Variants in ABI3BP observed in about 807,000 individuals in gnomAD.
The protein encoded by ABI3BP is target of Nesh-SH3.
ABI3BP carries 216 observed loss-of-function variants against 268.6 expected under a neutral mutation model. The ratio of observed to expected loss-of-function variants is 0.80; its 90% confidence interval spans 0.72 to 0.90. The LOEUF is 0.90. ABI3BP is among the 40% of genes least tolerant of loss of function. The pLI, the probability that ABI3BP is intolerant of heterozygous loss-of-function variation, is 0.00. For synonymous variants in ABI3BP, 730 were observed against 730.0 expected, an observed-to-expected ratio of 1.00 and a Z score of 0.00; for missense variants, 2,090 against 2,182.4, an observed-to-expected ratio of 0.96 and a Z score of 0.84.
intron 1 of ABI3BP, among the ~76,000 whole-genome samples, chr3:100,983,738 ATATT>A (rs753192090): frequency 2.6e-5 from 4 of 152,190 alleles, no homozygotes; most frequent in Non-Finnish European, 5.9e-5. Context: ...TGATTAAAAA[ATATT>A]AATTAAATGA....
chr3:100,783,191 C>T (rs547907654), intron 57 of ABI3BP, among the ~76,000 whole-genome samples: 15 of 152,270 alleles, frequency 9.9e-5, no homozygotes, highest in African/African-American at 3.4e-4. Context: ...GCACTCTTGT[C>T]CCAAATCTCA....
chr3:100,822,604 G>T lies in ABI3BP; in HGVS notation c.2872C>A (p.Pro958Thr), dbSNP rs1358198449. 3 of 1,536,396 alleles carry T rather than the reference G, an allele frequency of 2.0e-6. No individual in the cohort carries two copies. The highest frequency in any genetic ancestry group is 2.4e-5 in the South Asian group (2 of 84,058). Residue 958 changes from proline (P) to threonine (T), a missense_variant, in exon 38 of 68, where the codon CCT (proline) becomes ACT (threonine). By Grantham distance (38) the Pro-to-Thr change is conservative (BLOSUM62 -1). Transcript: ENST00000471714. Reference sequence around the variant, plus strand: ...CATAGTTTACCTGGTTTGGATTCAGGTGCTTCAGGACGTGGTGTGGTTTTT... The same window carrying T: ...CATAGTTTACCTGGTTTGGATTCAGTTGCTTCAGGACGTGGTGTGGTTTTT... ...RTKTTPRPEAPESKPVPTAEL... is the reference protein window; with the variant it reads ...RTKTTPRPEATESKPVPTAEL...
At chr3:100,778,959 G>A (rs573693844) in intron 58 of ABI3BP, among the ~76,000 whole-genome samples, 2 of 152,100 alleles carry the variant, frequency 1.3e-5, no homozygotes, top group East Asian at 1.9e-4. Flanking sequence ...CTATAAACAC[G>A]CATAGAATTT....
chr3:100,775,275 C>A lies in ABI3BP; in HGVS notation c.4394G>T (p.Gly1465Val). The stretch of plus-strand genomic sequence containing the variant: ...TGTCTCTATTCTCTCCAAGGGAGTT[C>A]CAGTAGGCCTGGGTGTTGACCTCAG... ...PPLRSTPRPT[G>V]TPLERIETDI... The change falls in exon 60 of 68, where the codon GGA becomes GTA. Residue 1465 changes from glycine (G) to valine (V), a missense_variant. Physicochemically the swap from Gly to Val is moderately radical, Grantham distance 109. Transcript: ENST00000471714. 6.2e-7 allele frequency: 1 copy of A among 1,610,240 alleles called. No individual in the cohort carries two copies. The highest frequency in any genetic ancestry group is 8.5e-7 in the Non-Finnish European group (1 of 1,178,166).
At chr3:100,890,981 C>G (rs2044363158) in intron 4 of ABI3BP, among the ~76,000 whole-genome samples, 1 of 116,122 alleles carries the variant, frequency 8.6e-6, no homozygotes, top group South Asian at 3.4e-4. Context: ...TCAAACTGGT[C>G]AACTTTTTTT....
At chr3:100,969,018 A>AGGTTTGAAACAGGT (rs1215458885) in intron 1 of ABI3BP, among the ~76,000 whole-genome samples, 1 of 152,210 alleles carries the variant, frequency 6.6e-6, no homozygotes, top group Non-Finnish European at 1.5e-5. Flanking sequence ...AACCTGTAGA[A>AGGTTTGAAACAGGT]GGAGTAATCT....
chr3:100,887,028 TTTAA>T (rs2042301340), intron 4 of ABI3BP, among the ~76,000 whole-genome samples: 1 of 152,050 alleles, frequency 6.6e-6, no homozygotes. Flanking sequence ...TATTACCTGG[TTTAA>T]TTGTCATGAA....
At chr3:100,840,274 C>G in intron 22 of ABI3BP, 110 bp from the exon 23 acceptor site, 1 of 825,784 alleles carries the variant, frequency 1.2e-6, no homozygotes, top group Non-Finnish European at 1.8e-6. Context: ...TTACTGTGGA[C>G]ATGTTTCCAT....
rs182923879 is a variant in ABI3BP at position 100,921,020 on chromosome 3, A to T, written c.259+5282T>A. Among the ~76,000 whole-genome samples, 459 of 152,288 alleles carry T rather than the reference A, an allele frequency of 3.0e-3. 1 individual carries two copies. Among genetic ancestry groups the T allele is most frequent in the Non-Finnish European group, 5.7e-3 (390 of 68,016 alleles). ...AGCATTTCCAGTGCATTGGCACTGCATCCTTTTCCTCACTAGAGCTGGCAT... is the reference window on the plus strand; with the variant it reads ...AGCATTTCCAGTGCATTGGCACTGCTTCCTTTTCCTCACTAGAGCTGGCAT... On this transcript the variant is annotated intron_variant, in intron 2 of 67. Transcript: ENST00000471714.
chr3:100,975,018 T>C (rs1253965827), intron 1 of ABI3BP, among the ~76,000 whole-genome samples: 1 of 152,136 alleles, frequency 6.6e-6, no homozygotes, highest in Non-Finnish European at 1.5e-5. Context: ...ATAAGAAGCT[T>C]AGTTATTTGA....
intron 17 of ABI3BP, 137 bp from the exon 18 acceptor site, chr3:100,849,012 G>A (rs186972734): frequency 1.3e-5 from 9 of 711,582 alleles, no homozygotes; most frequent in Admixed American, 2.8e-5. Flanking sequence ...AGTATACCTT[G>A]TTTTATACAC....
intron 1 of ABI3BP, among the ~76,000 whole-genome samples, chr3:100,991,932 TA>T: frequency 6.6e-6 from 1 of 152,122 alleles, no homozygotes; most frequent in Non-Finnish European, 1.5e-5. Context: ...AAAAGTAAAA[TA>T]AAAGTCTTCT....
intron 62 of ABI3BP, 112 bp downstream of exon 62, chr3:100,770,631 G>A (rs543030191): frequency 1.8e-5 from 18 of 1,026,238 alleles, no homozygotes; most frequent in East Asian, 2.9e-5. Flanking sequence ...TGCTAGTTTT[G>A]TCTCCTCCCC....
At chr3:100,957,602 A>G (rs914447218) in intron 1 of ABI3BP, among the ~76,000 whole-genome samples, 16 of 152,208 alleles carry the variant, frequency 1.1e-4, no homozygotes, top group African/African-American at 3.6e-4. Flanking sequence ...CCAGGAACTC[A>G]GTCCTGGGAC....
Position 100,840,111 on chromosome 3 carries a change from T to C in ABI3BP, c.1858A>G (p.Lys620Glu). The C allele has an allele frequency of 2.9e-6, 3 of 1,030,322 alleles. No individual in the cohort carries two copies. Among genetic ancestry groups the C allele is most frequent in the Non-Finnish European group, 3.8e-6 (3 of 782,156 alleles). The allele number at this position is 1,030,322 out of a possible 1,614,324, so 63.8% of individuals were successfully genotyped here. A position where few individuals can be genotyped will look rare whatever the true frequency, so the allele number is the denominator to read the frequency against. Residue 620 changes from lysine (K) to glutamate (E), a missense_variant, in exon 23 of 68, where the codon AAA (lysine) becomes GAA (glutamate). Physicochemically the swap from Lys to Glu is moderately conservative, Grantham distance 56 (BLOSUM62 1). Transcript: ENST00000471714. Reference protein sequence around the residue: ...GRRPRPRPRPKTTPSPEVPKS... With the variant: ...GRRPRPRPRPETTPSPEVPKS... ...GGCACTTCTGGACTAGGTGTGGTTT[T>C]AGGGCGGGGACGGGGGCGGGGGCGA...
At chr3:100,857,991 G>T (rs1051933433) in intron 14 of ABI3BP, among the ~76,000 whole-genome samples, 2 of 152,186 alleles carry the variant, frequency 1.3e-5, no homozygotes, top group Non-Finnish European at 2.9e-5. Flanking sequence ...CTTTTCTAGC[G>T]CTTGCTCCTT....
At chr3:100,947,655 C>A (rs920316880) in intron 1 of ABI3BP, among the ~76,000 whole-genome samples, 1 of 152,096 alleles carries the variant, frequency 6.6e-6, no homozygotes, top group Non-Finnish European at 1.5e-5. Flanking sequence ...ACTGGTTATA[C>A]TATTCCCCAG....
intron 1 of ABI3BP, among the ~76,000 whole-genome samples, chr3:100,987,818 A>C (rs2092198823): frequency 6.6e-6 from 1 of 152,226 alleles, no homozygotes; most frequent in Non-Finnish European, 1.5e-5. Context: ...ACAGCATTAA[A>C]CACCATTGAT....
chr3:100,867,388 T>G (rs770216182), intron 9 of ABI3BP, among the ~76,000 whole-genome samples: 3 of 152,090 alleles, frequency 2.0e-5, no homozygotes, highest in Non-Finnish European at 4.4e-5. Flanking sequence ...ATGCTTGTAA[T>G]CCCAGCACTT....
Sources: allele counts gnomAD v4.1 joint callset (sites outside exome capture counted in the v4.1 genomes callset), GRCh38; gene constraint gnomAD v4.1.1; transcripts MANE v1.5; gene names NCBI Gene and HGNC (gene_info 2026-07-23, HGNC 2026-07-21).